Variants in C12orf42 observed in about 807,000 individuals in gnomAD.
C12orf42 encodes the protein uncharacterized protein C12orf42.
A neutral mutation model predicts 21.6 loss-of-function variants in C12orf42; 25 were observed. That is an observed-to-expected ratio of 1.16 (90% CI 0.84 to 1.62). The LOEUF (loss-of-function observed/expected upper bound fraction) is 1.62, where lower values mean the gene tolerates loss of function less well. C12orf42 is among the 40% of genes most tolerant of loss of function. C12orf42 has a pLI of 0.00. For missense variants in C12orf42, 483 were observed against 459.3 expected (o/e 1.05, Z -0.47); for synonymous variants, 174 against 175.0 (o/e 0.99, Z 0.05).
At chr12:103,114,670 A>G in the C12orf42 span, among the ~76,000 whole-genome samples, 18 of 152,352 alleles carry the variant, frequency 1.2e-4, 1 homozygote, top group Non-Finnish European at 4.4e-5. Flanking sequence ...AGACTTGGAT[A>G]TAAAGGTACT....
the C12orf42 span, among the ~76,000 whole-genome samples, chr12:103,502,537 C>T: frequency 1.3e-5 from 2 of 152,156 alleles, no homozygotes; most frequent in Non-Finnish European, 2.9e-5. Flanking sequence ...TGCAGGAACA[C>T]TCTTTCCCAG....
intron 5 of C12orf42, among the ~76,000 whole-genome samples, chr12:103,271,618 T>C (rs1275568980): frequency 6.6e-6 from 1 of 152,168 alleles, no homozygotes; most frequent in Non-Finnish European, 1.5e-5. Context: ...GTAAAGCACT[T>C]AGCACTGTGG....
intron 4 of C12orf42, among the ~76,000 whole-genome samples, chr12:103,367,645 A>T (rs1448958302): frequency 6.6e-6 from 1 of 151,902 alleles, no homozygotes; most frequent in Admixed American, 6.6e-5. Context: ...TCTCAAGAAA[A>T]CAGTAAAAGT....
At chr12:103,252,626 CT>C (rs1390722208) in intron 10 of C12orf42, among the ~76,000 whole-genome samples, 5 of 152,156 alleles carry the variant, frequency 3.3e-5, no homozygotes, top group Non-Finnish European at 7.3e-5. Context: ...CCTTTGCCCA[CT>C]TTTTGATGGG....
the C12orf42 span, among the ~76,000 whole-genome samples, chr12:103,221,256 A>AT: frequency 3.5e-3 from 537 of 151,474 alleles, 3 homozygotes; most frequent in African/African-American, 0.011. Context: ...TTATGCCACC[A>AT]TTTTTTTTTA....
At chr12:103,470,994 T>G (rs999393899) in intron 2 of C12orf42, among the ~76,000 whole-genome samples, 2 of 152,220 alleles carry the variant, frequency 1.3e-5, no homozygotes, top group Non-Finnish European at 2.9e-5. Flanking sequence ...TCTGAATTCC[T>G]GACTCACACA....
the C12orf42 span, among the ~76,000 whole-genome samples, chr12:103,108,158 T>A: frequency 1.7e-4 from 26 of 151,396 alleles, no homozygotes; most frequent in African/African-American, 6.3e-4. Context: ...AAAAAATAAA[T>A]AAATTTAATC....
chr12:103,352,223 G>T (rs2043161037), intron 4 of C12orf42, among the ~76,000 whole-genome samples: 2 of 152,158 alleles, frequency 1.3e-5, no homozygotes, highest in Admixed American at 6.6e-5. Context: ...GGTGAGGGTA[G>T]AATTCTCCTT....
the C12orf42 span, among the ~76,000 whole-genome samples, chr12:103,521,967 T>C: frequency 1.3e-5 from 2 of 152,206 alleles, no homozygotes; most frequent in Non-Finnish European, 2.9e-5. Context: ...CCAGACCTGA[T>C]CCTTAATTCT....
chr12:103,193,211 C>A, the C12orf42 span, among the ~76,000 whole-genome samples: 3 of 150,454 alleles, frequency 2.0e-5, no homozygotes, highest in Non-Finnish European at 3.0e-5. Flanking sequence ...AAACAACATA[C>A]CAAAACTATG....
intron 4 of C12orf42, among the ~76,000 whole-genome samples, chr12:103,280,176 T>C (rs7956028): frequency 6.6e-6 from 1 of 152,070 alleles, no homozygotes; most frequent in South Asian, 2.1e-4. Context: ...CCACATTTTG[T>C]AGGCAAGGAA....
chr12:103,168,930 T>C, the C12orf42 span, among the ~76,000 whole-genome samples: 1 of 152,054 alleles, frequency 6.6e-6, no homozygotes, highest in Non-Finnish European at 1.5e-5. Context: ...AAATGCCACA[T>C]GTTCTCACTC....
the C12orf42 span, among the ~76,000 whole-genome samples, chr12:103,519,154 G>A: frequency 6.6e-6 from 1 of 152,108 alleles, no homozygotes; most frequent in East Asian, 1.9e-4. Context: ...TGTAAAGAAG[G>A]TGCCTTGCTT....
chr12:103,302,834 T>C (rs953857346), intron 5 of C12orf42, among the ~76,000 whole-genome samples: 2 of 152,120 alleles, frequency 1.3e-5, no homozygotes, highest in Non-Finnish European at 2.9e-5. Context: ...CAGAAAACTT[T>C]CTATTTCAAG....
the C12orf42 span, among the ~76,000 whole-genome samples, chr12:103,563,578 G>A: frequency 3.3e-5 from 5 of 152,326 alleles, no homozygotes; most frequent in South Asian, 1.0e-3. Flanking sequence ...GCTCACTCAT[G>A]CAGCTGGGAG....
chr12:103,213,404 C>A, the C12orf42 span, among the ~76,000 whole-genome samples: 1 of 152,172 alleles, frequency 6.6e-6, no homozygotes, highest in Non-Finnish European at 1.5e-5. Context: ...CTTTATTGAA[C>A]AGAGATTAGG....
chr12:103,123,210 A>G, the C12orf42 span, among the ~76,000 whole-genome samples: 1 of 152,206 alleles, frequency 6.6e-6, no homozygotes, highest in Non-Finnish European at 1.5e-5. Context: ...GACCCACACC[A>G]ATCCTAGAGT....
At chr12:103,365,000 T>A (rs1165842508) in intron 4 of C12orf42, among the ~76,000 whole-genome samples, 2 of 151,888 alleles carry the variant, frequency 1.3e-5, no homozygotes, top group African/African-American at 2.4e-5. Flanking sequence ...AGCACCCTAA[T>A]ATGAAAACAA....
chr12:103,243,778 T>C (rs1480646363), intron 10 of C12orf42, among the ~76,000 whole-genome samples: 1 of 152,122 alleles, frequency 6.6e-6, no homozygotes, highest in Non-Finnish European at 1.5e-5. Context: ...GTCAGGTCAC[T>C]TGTGTTTTGT....
Sources: allele counts gnomAD v4.1 joint callset (sites outside exome capture counted in the v4.1 genomes callset), GRCh38; gene constraint gnomAD v4.1.1; transcripts MANE v1.5; gene names NCBI Gene and HGNC (gene_info 2026-07-23, HGNC 2026-07-21).